GARNL3: variants seen among roughly 807,000 people sequenced by gnomAD.
GARNL3 encodes the protein GTPase-activating Rap/Ran-GAP domain-like protein 3.
GARNL3 carries 63 observed loss-of-function variants against 125.0 expected under a neutral mutation model. The ratio of observed to expected loss-of-function variants is 0.50; its 90% CI spans 0.41 to 0.62. The LOEUF is 0.62. Among genes scored for constraint, GARNL3 ranks in the 20% least tolerant of loss-of-function variants. The probability of loss-of-function intolerance (pLI) is 0.00; values close to 1 mark genes in which losing one functional copy is unlikely to be tolerated. For missense variants in GARNL3, 994 were observed against 1,244.0 expected (o/e 0.80, Z 3.02); for synonymous variants, 439 against 457.5 (o/e 0.96, Z 0.52).
intron 4 of GARNL3, among the ~76,000 whole-genome samples, chr9:127,313,762 A>G (rs544587695): frequency 1.3e-4 from 20 of 152,144 alleles, no homozygotes; most frequent in Non-Finnish European, 2.8e-4. Context: ...TTTGAAAAAA[A>G]AAAACTTATT....
intron 11 of GARNL3, among the ~76,000 whole-genome samples, chr9:127,337,820 A>T (rs1829636874): frequency 6.6e-6 from 1 of 152,170 alleles, no homozygotes; most frequent in South Asian, 2.1e-4. Context: ...TGCTTTGCTG[A>T]CTGCTTAGTT....
At chr9:127,270,991 C>T (rs1415100143) in intron 1 of GARNL3, among the ~76,000 whole-genome samples, 1 of 144,468 alleles carries the variant, frequency 6.9e-6, no homozygotes, top group Non-Finnish European at 1.5e-5. Flanking sequence ...CACTTGTGCT[C>T]AGGGTAGTGG....
intron 9 of GARNL3, 145 bp from the exon 10 acceptor site, chr9:127,335,085 G>A: frequency 3.2e-6 from 2 of 620,096 alleles, no homozygotes; most frequent in South Asian, 3.9e-5. Context: ...GCATCAAGTG[G>A]AGGGTTGTTG....
intron 1 of GARNL3, among the ~76,000 whole-genome samples, chr9:127,237,450 A>ACT (rs1451862403): frequency 1.3e-5 from 2 of 152,196 alleles, no homozygotes; most frequent in African/African-American, 4.8e-5. Context: ...CACGTCCAGA[A>ACT]CTCTACTACA....
At chr9:127,335,068 G>A (rs1367165733) in intron 9 of GARNL3, among the ~76,000 whole-genome samples, 162 bp from the exon 10 acceptor site, 6 of 152,220 alleles carry the variant, frequency 3.9e-5, no homozygotes, top group Admixed American at 3.9e-4. Flanking sequence ...TTTCCATGTG[G>A]GGGGTTGCAT....
chr9:127,344,334 G>C lies in GARNL3; in HGVS notation c.1351G>C (p.Gly451Arg). ...EARQAEFVRI[G>R]QALKLKSIVR... ...CCGCCAGGCGGAGTTTGTTAGAATA[G>C]GGCAGGTGGGTTTTCTTCTGAAACC... The change falls in exon 15 of 28, where the codon GGG (glycine) becomes CGG (arginine). Residue 451 changes from glycine (G) to arginine (R), a missense_variant. By Grantham distance (125) the Gly-to-Arg change is moderately radical. Around this residue, in one of 5 missense-constraint regions of GARNL3, gnomAD observed 728 missense variants for 865.7 expected, o/e 0.84. Coordinates refer to ENST00000373387, the MANE Select transcript of GARNL3 (RefSeq NM_032293.5). The C allele has an allele frequency of 8.7e-6, 14 of 1,609,884 alleles. No homozygotes were observed. The highest frequency in any genetic ancestry group is 1.1e-5 in the Non-Finnish European group (13 of 1,176,146).
At chr9:127,301,530 A>G (rs78345891) in intron 2 of GARNL3, among the ~76,000 whole-genome samples, 290 of 152,328 alleles carry the variant, frequency 1.9e-3, no homozygotes, top group African/African-American at 6.9e-3. Flanking sequence ...CCTAATGGGT[A>G]AAAAGGGAGG....
intron 1 of GARNL3, among the ~76,000 whole-genome samples, chr9:127,279,324 A>C (rs2064043949): frequency 6.6e-6 from 1 of 152,060 alleles, no homozygotes; most frequent in South Asian, 2.1e-4. Context: ...ATCAAGGATG[A>C]ATATTTTCTT....
intron 1 of GARNL3, among the ~76,000 whole-genome samples, chr9:127,273,721 T>A (rs927316030): frequency 6.6e-6 from 1 of 152,230 alleles, no homozygotes; most frequent in Non-Finnish European, 1.5e-5. Flanking sequence ...ATGTTCGTCA[T>A]ATACAGAGTC....
chr9:127,305,239 G>T (rs1000843310), intron 2 of GARNL3, among the ~76,000 whole-genome samples: 1 of 152,172 alleles, frequency 6.6e-6, no homozygotes. Flanking sequence ...AAATTATTTG[G>T]CTGTACACTT....
chr9:127,373,691 T>C (rs947062548), intron 22 of GARNL3, among the ~76,000 whole-genome samples: 1 of 151,868 alleles, frequency 6.6e-6, no homozygotes, highest in African/African-American at 2.4e-5. Flanking sequence ...GGTGGAAGAG[T>C]GAATGAAAAT....
chr9:127,338,097 C>G lies in GARNL3; in HGVS notation c.983-19C>G. 6.3e-7 allele frequency: 1 copy of G among 1,589,348 alleles called. No homozygotes were observed. Among genetic ancestry groups the G allele is most frequent in the South Asian group, 1.1e-5 (1 of 90,528 alleles). ...GTGAGCATCAGTGTTGTGATTAGTT[C>G]CCTTAACCATCACCACAGATATTTT... On this transcript the variant is annotated intron_variant, in intron 11 of 27. Coordinates refer to ENST00000373387, the MANE Select transcript of GARNL3 (RefSeq NM_032293.5).
chr9:127,313,623 C>A, intron 4 of GARNL3, 64 bp downstream of exon 4: 1 of 1,047,494 alleles, frequency 9.5e-7, no homozygotes, highest in Non-Finnish European at 1.5e-6. Flanking sequence ...AACCCCTGTG[C>A]TGTGGAACTG....
At chr9:127,300,734 C>T (rs372074489) in intron 2 of GARNL3, 42 of 340,190 alleles carry the variant, frequency 1.2e-4, no homozygotes, top group African/African-American at 8.6e-4. Flanking sequence ...GGATTACAGG[C>T]GCGAGCCACC....
intron 21 of GARNL3, among the ~76,000 whole-genome samples, chr9:127,358,855 A>C (rs1425819626): frequency 3.3e-5 from 5 of 152,152 alleles, no homozygotes; most frequent in Non-Finnish European, 5.9e-5. Context: ...TATTTAGCCA[A>C]GTTGGGAATC....
At chr9:127,228,662 T>C (rs183212642) in intron 1 of GARNL3, among the ~76,000 whole-genome samples, 2 of 152,372 alleles carry the variant, frequency 1.3e-5, no homozygotes. Context: ...TTTTATTTAT[T>C]TATTAAGGAA....
chr9:127,390,834 C>T, intron 27 of GARNL3, 67 bp downstream of exon 27: 9 of 1,497,292 alleles, frequency 6.0e-6, no homozygotes, highest in Non-Finnish European at 8.2e-6. Context: ...CCCAGGAGGC[C>T]CCTTCTGGGG....
chr9:127,247,282 G>A (rs758475656), intron 2 of GARNL3, among the ~76,000 whole-genome samples: 1 of 152,120 alleles, frequency 6.6e-6, no homozygotes, highest in Non-Finnish European at 1.5e-5. Flanking sequence ...CTAGTGAGGC[G>A]CTTGTTGGTT....
intron 2 of GARNL3, among the ~76,000 whole-genome samples, chr9:127,248,728 C>G (rs545311344): frequency 4.6e-5 from 7 of 150,676 alleles, no homozygotes; most frequent in Non-Finnish European, 1.0e-4. Flanking sequence ...CCACCTCAGC[C>G]TCCTGATTAG....
Sources: gnomAD v4.1 joint callset for allele counts (sites outside exome capture counted in the v4.1 genomes callset) on GRCh38, gnomAD v4.1.1 for gene constraint, gnomAD v4.1.1 regional missense constraint, MANE v1.5 for transcripts, NCBI Gene and HGNC (gene_info 2026-07-23, HGNC 2026-07-21) for gene names.